Variants in PATJ observed in about 807,000 individuals in gnomAD.
PATJ encodes the protein PATJ crumbs cell polarity complex component, also known as inaD-like protein.
Under a neutral mutation model 224.9 loss-of-function variants are expected in PATJ, and 190 were observed. The observed-to-expected ratio is 0.84, with a 90% CI of 0.75 to 0.95. The LOEUF is 0.95. PATJ is among the 40% of genes least tolerant of loss of function. PATJ has a pLI of 0.00. For missense variants in PATJ, 2,121 were observed against 2,270.3 expected (o/e 0.93, Z 1.34); for synonymous variants, 769 against 820.3 (o/e 0.94, Z 1.07).
intron 14 of PATJ, among the ~76,000 whole-genome samples, chr1:61,813,198 G>A (rs1655199204): frequency 6.6e-6 from 1 of 151,578 alleles, no homozygotes; most frequent in Admixed American, 6.6e-5. Flanking sequence ...AAGGCACAAA[G>A]CACACTTTGT....
intron 7 of PATJ, among the ~76,000 whole-genome samples, chr1:61,780,094 T>TG (rs1454434638): frequency 2.0e-5 from 3 of 152,096 alleles, no homozygotes; most frequent in Admixed American, 6.5e-5. Flanking sequence ...ACATGAGGTT[T>TG]GGGGGGGACA....
chr1:62,139,281 G>C (rs1319008279), intron 41 of PATJ, among the ~76,000 whole-genome samples: 2 of 151,614 alleles, frequency 1.3e-5, no homozygotes, highest in East Asian at 3.9e-4. Context: ...GGCGCCTGTA[G>C]TCCCAGCTAC....
intron 36 of PATJ, 81 bp downstream of exon 36, chr1:62,116,760 A>G (rs1397228797): frequency 1.5e-6 from 2 of 1,368,140 alleles, no homozygotes; most frequent in Admixed American, 5.0e-5. Context: ...TGATTATAAA[A>G]TGGGTTGGAT....
At position 62,121,185 on chromosome 1, in the gene PATJ, G is replaced by C; in HGVS notation, c.4895G>C (p.Ser1632Thr). Residue 1632 changes from serine (S) to threonine (T), a missense_variant, in exon 38 of 44, where the codon AGT becomes ACT. Transcript: ENST00000642238. ...ACCCCTGGGTCTTTCTTTCAGGGTA[G>C]TCAGCAGAGTGCACACAGCAGCTGT... ...ARTTSQNSQGSQQSAHSSCHP... is the reference protein window; with the variant it reads ...ARTTSQNSQGTQQSAHSSCHP... The C allele has an allele frequency of 1.9e-6, 3 of 1,611,800 alleles. No individual in the cohort carries two copies. The highest frequency in any genetic ancestry group is 1.1e-5 in the South Asian group (1 of 90,830).
rs1665998527 is a variant in PATJ at position 62,128,925 on chromosome 1, T to G, written c.5251T>G (p.Tyr1751Asp). 1 of 1,610,472 alleles carries G rather than the reference T, an allele frequency of 6.2e-7. No homozygotes were observed. Among genetic ancestry groups the G allele is most frequent in the Admixed American group, 1.7e-5 (1 of 59,966 alleles). ...ADVVNLLKNA[Y>D]GRIILQVVAD... ...TGTGGTTAATCTGCTGAAGAACGCC[T>G]ACGGGCGCATTATCCTGCAGGTATT... The change falls in exon 41 of 44, where the codon TAC (tyrosine) becomes GAC (aspartate). Residue 1751 changes from tyrosine to aspartate, a missense_variant. Transcript: ENST00000642238.
intron 27 of PATJ, among the ~76,000 whole-genome samples, chr1:61,960,392 T>C (rs780560533): frequency 3.9e-5 from 6 of 152,208 alleles, no homozygotes; most frequent in Non-Finnish European, 7.3e-5. Context: ...CCAGGTGCAG[T>C]GGTTCACGCC....
intron 27 of PATJ, among the ~76,000 whole-genome samples, chr1:61,983,185 A>G (rs929278728): frequency 1.3e-5 from 2 of 152,052 alleles, no homozygotes; most frequent in Admixed American, 6.5e-5. Flanking sequence ...TGGACCTGTC[A>G]TCTTTTAAAC....
intron 9 of PATJ, among the ~76,000 whole-genome samples, chr1:61,795,099 TAAAAAAAAA>T (rs78496504): frequency 9.9e-6 from 1 of 101,206 alleles, no homozygotes; most frequent in Non-Finnish European, 1.9e-5. Context: ...ATAGTGATGG[TAAAAAAAAA>T]AAAAAAAAAA....
At chr1:62,138,431 C>T (rs113268565) in intron 41 of PATJ, among the ~76,000 whole-genome samples, 17 of 152,112 alleles carry the variant, frequency 1.1e-4, no homozygotes, top group Non-Finnish European at 2.2e-4. Flanking sequence ...CCTCAGCCTC[C>T]CTAGTAACTG....
chr1:61,798,859 G>A (rs1433864927), intron 11 of PATJ, among the ~76,000 whole-genome samples: 1 of 152,046 alleles, frequency 6.6e-6, no homozygotes, highest in African/African-American at 2.4e-5. Context: ...CTGCCGGCCT[G>A]CGTGACAGAG....
Position 62,158,031 on chromosome 1 carries a change from C to A in PATJ, c.5503-2877C>A, listed in dbSNP as rs777891829. 3.4e-5 allele frequency among the ~76,000 whole-genome samples: 5 copies of A among 148,708 alleles called. 1 individual carries two copies. The highest frequency in any genetic ancestry group is 7.5e-5 in the Non-Finnish European group (5 of 67,020). On this transcript the variant is annotated intron_variant, in intron 43 of 43. Transcript: ENST00000642238. ...ACTAGTGTTTTATTTTATTATATTACCACCACGTTGAGTAAATGCCATATG... is the reference window on the plus strand; with the variant it reads ...ACTAGTGTTTTATTTTATTATATTAACACCACGTTGAGTAAATGCCATATG...
chr1:62,144,777 A>AAAAAATATATATATAT (rs377489788), intron 41 of PATJ, among the ~76,000 whole-genome samples: 1 of 119,102 alleles, frequency 8.4e-6, no homozygotes, highest in East Asian at 3.5e-4. Context: ...AAAAAAAAAA[A>AAAAAATATATATATAT]ATATATATAT....
Position 61,771,714 on chromosome 1 carries a change from CCTTT to C in PATJ, c.720+94_720+97del, listed in dbSNP as rs143930753. The stretch of plus-strand genomic sequence containing the variant: ...AAGACATTTAGAAGGTGTCATTTTA[CCTTT>C]CTTTCCTTTTTTTTTTTTGAGATGG... On this transcript the variant is annotated intron_variant, in intron 6 of 43. Transcript: ENST00000642238. 533 of 969,270 alleles carry C rather than the reference CCTTT, an allele frequency of 5.5e-4. 1 individual carries two copies. In the African/African-American group the frequency reaches 8.1e-3, roughly 15 times the overall value. 60.0% of individuals were successfully genotyped at this position (969,270 alleles called of 1,614,324 possible).
At chr1:61,819,793 G>C (rs185497657) in intron 14 of PATJ, among the ~76,000 whole-genome samples, 2 of 152,172 alleles carry the variant, frequency 1.3e-5, no homozygotes, top group Admixed American at 1.3e-4. Context: ...GAGTAAGACT[G>C]TTTAATCACT....
At chr1:61,903,775 C>CTTTTTTTTTTTTTTTTTTT (rs11331898) in intron 24 of PATJ, among the ~76,000 whole-genome samples, 1 of 131,600 alleles carries the variant, frequency 7.6e-6, no homozygotes. Context: ...TGGTACTTTG[C>CTTTTTTTTTTTTTTTTTTT]TTTTTTTTTT....
At chr1:62,080,611 C>T (rs927837422) in intron 32 of PATJ, among the ~76,000 whole-genome samples, 3 of 152,102 alleles carry the variant, frequency 2.0e-5, no homozygotes, top group Non-Finnish European at 4.4e-5. Context: ...GGATTACAGA[C>T]GTGAGCCACT....
At chr1:61,915,286 C>T (rs1189683177) in intron 26 of PATJ, among the ~76,000 whole-genome samples, 1 of 152,114 alleles carries the variant, frequency 6.6e-6, no homozygotes, top group African/African-American at 2.4e-5. Flanking sequence ...ATTTGCAGTC[C>T]AACTCTGCTG....
At chr1:62,061,480 C>G (rs1655426114) in intron 31 of PATJ, among the ~76,000 whole-genome samples, 2 of 151,704 alleles carry the variant, frequency 1.3e-5, no homozygotes, top group Admixed American at 1.3e-4. Flanking sequence ...CCGTGCCCAG[C>G]CTGTTTTTCC....
intron 22 of PATJ, among the ~76,000 whole-genome samples, chr1:61,898,541 G>A (rs1670689033): frequency 6.6e-6 from 1 of 151,904 alleles, no homozygotes; most frequent in Admixed American, 6.6e-5. Flanking sequence ...CCTGGCCAAG[G>A]GTTTTTATGA....
Sources: gnomAD v4.1 joint callset for allele counts (sites outside exome capture counted in the v4.1 genomes callset) on GRCh38, gnomAD v4.1.1 for gene constraint, MANE v1.5 for transcripts, NCBI Gene and HGNC (gene_info 2026-07-23, HGNC 2026-07-21) for gene names.